The following ERICH1 variants were observed in gnomAD, a reference collection of about 807,000 sequenced individuals.
ERICH1 encodes the protein glutamate-rich protein 1.
Under a neutral mutation model 39.6 loss-of-function variants are expected in ERICH1, and 56 were observed. The observed-to-expected ratio is 1.41, with a 90% CI of 1.14 to 1.77. The LOEUF is 1.77. ERICH1 is among the 40% of genes most tolerant of loss of function. The pLI is 0.00. For synonymous variants in ERICH1, 313 were observed against 223.6 expected (o/e 1.40, Z -3.57); for missense variants, 826 against 575.4 (o/e 1.44, Z -4.45).
chr8:641,950 G>C (rs1447538619), intron 3 of ERICH1, among the ~76,000 whole-genome samples: 1 of 152,208 alleles, frequency 6.6e-6, no homozygotes, highest in Non-Finnish European at 1.5e-5. Flanking sequence ...TTCCGAGGAG[G>C]CATCTATTAA....
Position 698,899 on chromosome 8 carries a change from G to GTT in ERICH1, c.170-6289_170-6288dup, listed in dbSNP as rs4045087. Among the ~76,000 whole-genome samples, 131 of 140,386 alleles carry GTT rather than the reference G, an allele frequency of 9.3e-4. 1 individual carries two copies. Among genetic ancestry groups the GTT allele is most frequent in the East Asian group, 1.7e-3 (8 of 4,700 alleles). The allele number at this position is 140,386 out of a possible 152,430, so 92.1% of individuals were successfully genotyped here. On this transcript the variant is annotated intron_variant, in intron 2 of 5. Transcript: ENST00000262109. ...TAGCATCCTATGGTTGTCTCTGTGAGTTTTTTTTTTTTTTTTTTAACCAGG... is the reference window on the plus strand; with the variant it reads ...TAGCATCCTATGGTTGTCTCTGTGAGTTTTTTTTTTTTTTTTTTTTAACCAGG...
At chr8:651,880 GT>G (rs921044538) in intron 3 of ERICH1, among the ~76,000 whole-genome samples, 5 of 152,216 alleles carry the variant, frequency 3.3e-5, no homozygotes, top group Admixed American at 3.3e-4. Context: ...TTAAGAGAAA[GT>G]GTGTTTCATT....
Position 655,511 on chromosome 8 carries a change from CTCT to C in ERICH1, c.976+13084_976+13086del, listed in dbSNP as rs1185048191. Among the ~76,000 whole-genome samples, 11 of 152,292 alleles carry C rather than the reference CTCT, an allele frequency of 7.2e-5. No individual in the cohort carries two copies. In the East Asian group the frequency reaches 2.1e-3, roughly 29 times the overall value. ...CCAGCACCTGCCCTTGCAGGAGCTC[CTCT>C]TTTCTTCTTTGCTGTGGTCAGTTGC... On this transcript the variant is annotated intron_variant, in intron 3 of 3. Coordinates refer to the ERICH1 transcript ENST00000522706.
At chr8:723,952 A>C (rs1360645035) in intron 1 of ERICH1, among the ~76,000 whole-genome samples, 1 of 152,254 alleles carries the variant, frequency 6.6e-6, no homozygotes, top group Non-Finnish European at 1.5e-5. Flanking sequence ...TAATTCAATG[A>C]GTAGTAGATT....
rs549588119 is a variant in ERICH1, at chr8:727,491, G to A, written c.22+3649C>T. ...ACTGGCAGCTCCAACTTCATCTGAG[G>A]AGTCTCAGGAAGACAGAGGCCGCCT... On this transcript the variant is annotated intron_variant, in intron 1 of 5. Transcript: ENST00000262109. Among the ~76,000 whole-genome samples the A allele has an allele frequency of 3.3e-5, 5 of 152,358 alleles. No homozygotes were observed. In the East Asian group the frequency reaches 9.6e-4, roughly 29 times the overall value.
intron 2 of ERICH1, among the ~76,000 whole-genome samples, chr8:694,029 G>A (rs1585374822): frequency 6.6e-6 from 1 of 152,208 alleles, no homozygotes; most frequent in East Asian, 1.9e-4. Context: ...GCTCTTGCAC[G>A]TGACAAACAC....
intron 3 of ERICH1, among the ~76,000 whole-genome samples, chr8:687,880 G>C (rs558261156): frequency 2.0e-5 from 3 of 152,256 alleles, no homozygotes; most frequent in South Asian, 4.1e-4. Flanking sequence ...CGCGGAACCG[G>C]CGCAGGCCTC....
chr8:718,614 G>C (rs1010342667), intron 1 of ERICH1, among the ~76,000 whole-genome samples: 2 of 152,172 alleles, frequency 1.3e-5, no homozygotes, highest in Non-Finnish European at 2.9e-5. Context: ...AGCTGACAGG[G>C]GTTTCTCAGG....
chr8:640,500 T>A (rs1441678147), intron 3 of ERICH1: 1 of 152,248 alleles, frequency 6.6e-6, no homozygotes, highest in Non-Finnish European at 1.5e-5. Context: ...TGCTTTCCAG[T>A]CCTAATTCTG....
intron 3 of ERICH1, among the ~76,000 whole-genome samples, chr8:650,423 C>T (rs1434843566): frequency 6.6e-6 from 1 of 152,234 alleles, no homozygotes; most frequent in East Asian, 1.9e-4. Context: ...AAAGGGCAGC[C>T]CTTGTCGCCT....
Position 664,208 on chromosome 8 carries a change from C to G in ERICH1, c.*395G>C. The G allele has an allele frequency of 1.0e-6, 1 of 986,768 alleles. No individual in the cohort carries two copies. The highest frequency in any genetic ancestry group is 1.2e-6 in the Non-Finnish European group (1 of 830,210). 61.1% of individuals were successfully genotyped at this position (986,768 alleles called of 1,614,324 possible). A position where few individuals can be genotyped will look rare whatever the true frequency, so the allele number is the denominator to read the frequency against. On this transcript the variant is annotated 3_prime_UTR_variant, in exon 6 of 6. Transcript: ENST00000262109. ...CTCAACTATATTCAAACTACTTAAA[C>G]TAGAACATTTTAATACCCAGAAAGC...
intron 2 of ERICH1, among the ~76,000 whole-genome samples, chr8:712,525 G>A (rs903609206): frequency 2.6e-5 from 4 of 152,178 alleles, no homozygotes; most frequent in African/African-American, 7.2e-5. Context: ...TGCCTCCAGG[G>A]TTCAAGTGAT....
At chr8:706,815 C>T (rs765308721) in intron 2 of ERICH1, among the ~76,000 whole-genome samples, 7 of 152,056 alleles carry the variant, frequency 4.6e-5, no homozygotes, top group Non-Finnish European at 1.0e-4. Context: ...ACTCTGAAAA[C>T]TACAAAAGAT....
Position 664,349 on chromosome 8 carries a change from T to C in ERICH1, c.*254A>G. Reference sequence around the variant, plus strand: ...GTCCATTTTCAATTTTTACAATAAGTAGAGAAACAGAATCAAGTTTTATGT... The same window carrying C: ...GTCCATTTTCAATTTTTACAATAAGCAGAGAAACAGAATCAAGTTTTATGT... On this transcript the variant is annotated 3_prime_UTR_variant, in exon 6 of 6. Coordinates refer to ENST00000262109, the MANE Select transcript of ERICH1 (RefSeq NM_207332.3). 1 of 1,127,178 alleles carries C rather than the reference T, an allele frequency of 8.9e-7. No individual in the cohort carries two copies. Among genetic ancestry groups the C allele is most frequent in the Non-Finnish European group, 1.1e-6 (1 of 921,306 alleles). 69.8% of individuals were successfully genotyped at this position (1,127,178 alleles called of 1,614,324 possible).
rs925894616 is a variant in ERICH1 at position 674,051 on chromosome 8, T to C, written c.305-4A>G. 2 of 1,527,772 alleles carry C rather than the reference T, an allele frequency of 1.3e-6. No homozygotes were observed. The highest frequency in any genetic ancestry group is 1.4e-5 in the African/African-American group (1 of 71,652). The allele number at this position is 1,527,772 out of a possible 1,614,324, so 94.6% of individuals were successfully genotyped here. ...GGCTGGTCATGAGGATCCTGATCTG[T>C]TAAAAAAATTCAAATATAACAATTT... On this transcript the variant is annotated splice_region_variant and splice_polypyrimidine_tract_variant and intron_variant, in intron 3 of 5. Coordinates refer to ENST00000262109, the MANE Select transcript of ERICH1 (RefSeq NM_207332.3).
At chr8:704,194 A>C (rs1473223982) in intron 2 of ERICH1, among the ~76,000 whole-genome samples, 1 of 152,236 alleles carries the variant, frequency 6.6e-6, no homozygotes, top group South Asian at 2.1e-4. Flanking sequence ...TTTATCTCCC[A>C]AAAACCATTT....
At chr8:674,943 C>G (rs994202010) in intron 3 of ERICH1, among the ~76,000 whole-genome samples, 1 of 152,184 alleles carries the variant, frequency 6.6e-6, no homozygotes, top group Non-Finnish European at 1.5e-5. Context: ...ATATTTCCCC[C>G]GTGGCCGATT....
At chr8:704,118 C>T (rs1812747486) in intron 2 of ERICH1, among the ~76,000 whole-genome samples, 4 of 152,174 alleles carry the variant, frequency 2.6e-5, no homozygotes, top group African/African-American at 9.7e-5. Flanking sequence ...GCCCAGAATC[C>T]TACACCCCGA....
At chr8:672,526 C>A (rs1448934581) in intron 4 of ERICH1, among the ~76,000 whole-genome samples, 1 of 152,136 alleles carries the variant, frequency 6.6e-6, no homozygotes, top group East Asian at 1.9e-4. Context: ...CTGCTAAACC[C>A]ACCACATTAA....
Sources: gnomAD v4.1 joint callset for allele counts (sites outside exome capture counted in the v4.1 genomes callset) on GRCh38, gnomAD v4.1.1 for gene constraint, MANE v1.5 for transcripts, NCBI Gene and HGNC (gene_info 2026-07-23, HGNC 2026-07-21) for gene names.